Variants in LRBA observed in about 807,000 individuals in gnomAD.
The protein encoded by LRBA is LPS responsive beige-like anchor protein.
LRBA carries 176 observed loss-of-function variants against 330.0 expected under a neutral mutation model. The ratio of observed to expected loss-of-function variants is 0.53; its 90% CI spans 0.47 to 0.60. The LOEUF (loss-of-function observed/expected upper bound fraction) is 0.60, where lower values mean the gene tolerates loss of function less well. Among genes scored for constraint, LRBA ranks in the 20% least tolerant of loss-of-function variants. The pLI, the probability that LRBA is intolerant of heterozygous loss-of-function variation, is 0.00. For synonymous variants in LRBA, 1,230 were observed against 1,193.0 expected (o/e 1.03, Z -0.64); for missense variants, 3,259 against 3,444.8 (o/e 0.95, Z 1.35).
At position 150,756,439 on chromosome 4, in the gene LRBA, A is replaced by C. The variant is rs141605520; in HGVS notation, c.5645+5344T>G. On this transcript the variant is annotated intron_variant, in intron 35 of 56. Coordinates refer to ENST00000651943, the MANE Select transcript of LRBA (RefSeq NM_001364905.1). ...CACCAAAACCTCTAAGAAAATAAGA[A>C]TAAAAGGCAAAATAAGAACTTGAAG... 4.2e-3 allele frequency among the ~76,000 whole-genome samples: 637 copies of C among 152,342 alleles called. 3 individuals are homozygous for C. Among genetic ancestry groups the C allele is most frequent in the African/African-American group, 0.015 (616 of 41,580 alleles).
intron 4 of LRBA, among the ~76,000 whole-genome samples, chr4:150,925,668 T>A (rs1733804775): frequency 6.6e-6 from 1 of 152,226 alleles, no homozygotes; most frequent in African/African-American, 2.4e-5. Flanking sequence ...TTAATGATTT[T>A]GTGTTCATTT....
At position 150,871,357 on chromosome 4, in the gene LRBA, A is replaced by G; in HGVS notation, c.2355T>C (p.Asn785=). 4 of 1,602,246 alleles carry G rather than the reference A, an allele frequency of 2.5e-6. No homozygotes were observed. Among genetic ancestry groups the G allele is most frequent in the Non-Finnish European group, 2.6e-6 (3 of 1,169,816 alleles). Residue 785 remains asparagine (N), a synonymous_variant, in exon 19 of 57, where the codon AAT becomes AAC. Coordinates refer to ENST00000651943, the MANE Select transcript of LRBA (RefSeq NM_001364905.1). The part of the protein sequence containing the change: ...QTNLITMTTY[N]VLFEILIEQI... Reference sequence around the variant, plus strand: ...AGTACATTCCTACCTCAAACAGCACATTATATGTGGTCATTGTGATTAAAT... The same window carrying G: ...AGTACATTCCTACCTCAAACAGCACGTTATATGTGGTCATTGTGATTAAAT...
At chr4:150,789,219 C>T (rs1197520921) in intron 34 of LRBA, among the ~76,000 whole-genome samples, 1 of 152,096 alleles carries the variant, frequency 6.6e-6, no homozygotes, top group African/African-American at 2.4e-5. Flanking sequence ...CATAGTTGAC[C>T]TCAAACAGCT....
chr4:150,509,021 A>G (rs1345676665), intron 40 of LRBA, among the ~76,000 whole-genome samples: 1 of 152,180 alleles, frequency 6.6e-6, no homozygotes, highest in African/African-American at 2.4e-5. Context: ...GTAACAATAG[A>G]TTGTTTGCAC....
intron 44 of LRBA, among the ~76,000 whole-genome samples, chr4:150,457,835 T>C (rs564292721): frequency 3.9e-5 from 6 of 152,054 alleles, no homozygotes; most frequent in Admixed American, 6.6e-5. Context: ...CATTATGGGA[T>C]AAAATTAATA....
intron 44 of LRBA, among the ~76,000 whole-genome samples, chr4:150,449,944 TA>T (rs1753142526): frequency 1.3e-5 from 2 of 151,994 alleles, no homozygotes; most frequent in African/African-American, 4.8e-5. Flanking sequence ...GCCAACCATA[TA>T]AAAAATTACA....
At chr4:151,002,968 C>T (rs1743551994) in intron 2 of LRBA, among the ~76,000 whole-genome samples, 1 of 151,466 alleles carries the variant, frequency 6.6e-6, no homozygotes, top group South Asian at 2.1e-4. Flanking sequence ...GAACCGAGAT[C>T]GCACTACTGC....
At chr4:150,286,981 A>C (rs1422383548) in intron 53 of LRBA, among the ~76,000 whole-genome samples, 2 of 152,220 alleles carry the variant, frequency 1.3e-5, no homozygotes, top group Non-Finnish European at 2.9e-5. Context: ...ATAGTCTCTA[A>C]AGGTAAAGAT....
intron 40 of LRBA, among the ~76,000 whole-genome samples, chr4:150,503,081 T>C (rs900075739): frequency 1.9e-4 from 29 of 152,304 alleles, no homozygotes; most frequent in African/African-American, 6.7e-4. Flanking sequence ...GAGGCCACCA[T>C]AGCTCAAGGA....
At chr4:150,463,879 G>C (rs1227791523) in intron 44 of LRBA, among the ~76,000 whole-genome samples, 1 of 151,620 alleles carries the variant, frequency 6.6e-6, no homozygotes, top group Non-Finnish European at 1.5e-5. Context: ...ATTTTTAGTA[G>C]AATAGGTAAC....
chr4:150,880,520 C>CAA (rs35835464), intron 17 of LRBA, among the ~76,000 whole-genome samples: 9 of 112,874 alleles, frequency 8.0e-5, no homozygotes, highest in East Asian at 2.4e-4. Flanking sequence ...ACCCTGTCTC[C>CAA]AAAAAAAAAA....
At chr4:150,631,031 A>T (rs1157906448) in intron 37 of LRBA, among the ~76,000 whole-genome samples, 3 of 152,142 alleles carry the variant, frequency 2.0e-5, no homozygotes, top group Non-Finnish European at 4.4e-5. Flanking sequence ...ATATTAATAC[A>T]AATATTTGAA....
chr4:150,546,799 ATAG>A (rs1352514210), intron 40 of LRBA, among the ~76,000 whole-genome samples: 3 of 152,222 alleles, frequency 2.0e-5, no homozygotes, highest in African/African-American at 7.2e-5. Context: ...CAAAGGTGAT[ATAG>A]TAGAACAAAG....
At chr4:150,914,058 C>T (rs1732298389) in intron 9 of LRBA, 137 bp downstream of exon 9, 1 of 605,506 alleles carries the variant, frequency 1.7e-6, no homozygotes, top group Non-Finnish European at 2.8e-6. Flanking sequence ...ACTATAGTCA[C>T]CCTGCTGTGG....
At chr4:150,919,233 G>GTA (rs1317179175) in intron 5 of LRBA, among the ~76,000 whole-genome samples, 1 of 152,168 alleles carries the variant, frequency 6.6e-6, no homozygotes, top group African/African-American at 2.4e-5. Flanking sequence ...CTGCTAATCA[G>GTA]TATGGGGTTT....
chr4:150,919,698 C>T (rs1201201), intron 5 of LRBA, among the ~76,000 whole-genome samples: 146,082 of 152,308 alleles, frequency 0.96, 70,342 homozygotes, highest in Non-Finnish European at 1. Flanking sequence ...TCACCAAAAA[C>T]GATAGCAAAG....
intron 2 of LRBA, among the ~76,000 whole-genome samples, chr4:150,992,312 T>G (rs1742180224): frequency 1.4e-5 from 1 of 71,070 alleles, no homozygotes; most frequent in Non-Finnish European, 4.4e-5. Flanking sequence ...CGAGACTCCG[T>G]CTCAAAAAAA....
At chr4:150,512,036 T>C (rs1439040626) in intron 40 of LRBA, among the ~76,000 whole-genome samples, 2 of 152,240 alleles carry the variant, frequency 1.3e-5, no homozygotes, top group African/African-American at 2.4e-5. Flanking sequence ...ATTCCAGTGC[T>C]ACTGGTACAT....
intron 40 of LRBA, among the ~76,000 whole-genome samples, chr4:150,538,251 A>G (rs1764895415): frequency 6.6e-6 from 1 of 152,212 alleles, no homozygotes; most frequent in Non-Finnish European, 1.5e-5. Flanking sequence ...AACTGAAAAC[A>G]GAACTACCAT....
Sources: allele counts gnomAD v4.1 joint callset (sites outside exome capture counted in the v4.1 genomes callset), GRCh38; gene constraint gnomAD v4.1.1; transcripts MANE v1.5; gene names NCBI Gene and HGNC (gene_info 2026-07-23, HGNC 2026-07-21).